The following CNTN1 variants were observed in gnomAD, a reference collection of about 807,000 sequenced individuals.
The protein encoded by CNTN1 is contactin 1, also known as contactin-1.
A neutral mutation model predicts 126.4 loss-of-function variants in CNTN1; 38 were observed. That is an observed-to-expected ratio of 0.30 (90% confidence interval 0.23 to 0.39). CNTN1 has a LOEUF of 0.39. Ranked by LOEUF, CNTN1 falls within the 10% of genes least tolerant of loss-of-function variation. The pLI, the probability that CNTN1 is intolerant of heterozygous loss-of-function variation, is 1.00. For missense variants in CNTN1, 1,009 were observed against 1,248.4 expected (o/e 0.81, Z 2.89); for synonymous variants, 413 against 422.6 (o/e 0.98, Z 0.28).
chr12:40,809,719 G>A (rs1940979822), intron 1 of CNTN1, among the ~76,000 whole-genome samples: 1 of 151,908 alleles, frequency 6.6e-6, no homozygotes, highest in African/African-American at 2.4e-5. Context: ...AGGAGGCTGA[G>A]GCAGGAGAAT....
chr12:40,907,529 C>T (rs1399957501), intron 1 of CNTN1, among the ~76,000 whole-genome samples: 1 of 152,156 alleles, frequency 6.6e-6, no homozygotes, highest in Non-Finnish European at 1.5e-5. Flanking sequence ...CTGGGTGAAA[C>T]TTTAGCAGTG....
chr12:40,804,848 T>C (rs1940785081), intron 1 of CNTN1, among the ~76,000 whole-genome samples: 1 of 151,606 alleles, frequency 6.6e-6, no homozygotes, highest in Admixed American at 6.6e-5. Context: ...ATTATCTCAG[T>C]CTTTTTTTTC....
intron 1 of CNTN1, among the ~76,000 whole-genome samples, chr12:40,769,289 A>G (rs1340992964): frequency 1.3e-5 from 2 of 152,312 alleles, no homozygotes; most frequent in Non-Finnish European, 2.9e-5. Context: ...CACATGAGCA[A>G]TTGATTTTTA....
At chr12:41,053,469 T>TATA (rs1949734831) in intron 23 of CNTN1, among the ~76,000 whole-genome samples, 1 of 48,850 alleles carries the variant, frequency 2.0e-5, no homozygotes, top group Non-Finnish European at 3.7e-5. Context: ...ATATATATAT[T>TATA]TGCCAATAAT....
Position 40,982,298 on chromosome 12 carries a change from C to G in CNTN1, c.1963+1231C>G, listed in dbSNP as rs138926990. Among the ~76,000 whole-genome samples the G allele has an allele frequency of 2.9e-3, 441 of 152,130 alleles. 2 individuals carry two copies. Among genetic ancestry groups the G allele is most frequent in the African/African-American group, 9.9e-3 (411 of 41,518 alleles). ...ATCATCTGAAAAATAATTTTAAAAA[C>G]CTTTTAGATACTTTATAAACCTAAA... On this transcript the variant is annotated intron_variant, in intron 16 of 23. Transcript: ENST00000551295.
chr12:40,744,143 G>A (rs1428770757), intron 1 of CNTN1, among the ~76,000 whole-genome samples: 2 of 152,006 alleles, frequency 1.3e-5, no homozygotes, highest in Non-Finnish European at 1.5e-5. Flanking sequence ...AGTAGCAGGG[G>A]TAGAGGGAGG....
chr12:40,855,864 A>G (rs1177785751), intron 1 of CNTN1, among the ~76,000 whole-genome samples: 2 of 152,182 alleles, frequency 1.3e-5, no homozygotes, highest in African/African-American at 4.8e-5. Context: ...TATCTTTAAT[A>G]AACTTAATTT....
chr12:40,944,236 T>G (rs1592295610), intron 14 of CNTN1, 66 bp downstream of exon 14: 1 of 1,406,070 alleles, frequency 7.1e-7, no homozygotes, highest in East Asian at 2.3e-5. Flanking sequence ...TTGAAAGTTC[T>G]ATTACTATAA....
intron 1 of CNTN1, among the ~76,000 whole-genome samples, chr12:40,710,676 A>G (rs1000111414): frequency 4.6e-5 from 7 of 152,216 alleles, no homozygotes; most frequent in Non-Finnish European, 1.0e-4. Context: ...GGTGGTAGAT[A>G]TGAATATAGT....
At chr12:40,836,767 T>C (rs1048801120) in intron 1 of CNTN1, among the ~76,000 whole-genome samples, 1 of 152,180 alleles carries the variant, frequency 6.6e-6, no homozygotes, top group African/African-American at 2.4e-5. Context: ...CTAAAAAAGA[T>C]ACATGTATTT....
chr12:40,772,716 T>C (rs911169298), intron 1 of CNTN1, among the ~76,000 whole-genome samples: 8 of 151,922 alleles, frequency 5.3e-5, no homozygotes, highest in Non-Finnish European at 1.0e-4. Context: ...CAGATTATTA[T>C]GGCTGTGACA....
chr12:40,866,199 A>G (rs896846090), intron 1 of CNTN1, among the ~76,000 whole-genome samples: 6 of 152,116 alleles, frequency 3.9e-5, no homozygotes, highest in African/African-American at 1.4e-4. Flanking sequence ...TTTATTAGCC[A>G]TAATTTTTTT....
At chr12:40,714,690 G>A (rs1406844120) in intron 1 of CNTN1, among the ~76,000 whole-genome samples, 1 of 152,048 alleles carries the variant, frequency 6.6e-6, no homozygotes, top group Non-Finnish European at 1.5e-5. Context: ...CAACTAAAAT[G>A]CAAGATTATA....
chr12:40,916,029 G>A (rs1055172334), intron 3 of CNTN1, among the ~76,000 whole-genome samples: 6 of 151,928 alleles, frequency 3.9e-5, no homozygotes, highest in Admixed American at 1.3e-4. Flanking sequence ...ATCATCACTA[G>A]GCTTGTCGCA....
At chr12:40,869,443 A>AT (rs1943413365) in intron 1 of CNTN1, among the ~76,000 whole-genome samples, 1 of 151,734 alleles carries the variant, frequency 6.6e-6, no homozygotes, top group South Asian at 2.1e-4. Context: ...TAACTTTTGT[A>AT]TTTTTTGTAG....
chr12:40,810,188 T>G (rs1207900730), intron 1 of CNTN1, among the ~76,000 whole-genome samples: 1 of 152,190 alleles, frequency 6.6e-6, no homozygotes, highest in African/African-American at 2.4e-5. Flanking sequence ...TATTCATTCA[T>G]GCATTCCTAT....
At chr12:40,784,152 A>G (rs936585991) in intron 1 of CNTN1, among the ~76,000 whole-genome samples, 4 of 152,122 alleles carry the variant, frequency 2.6e-5, no homozygotes, top group Non-Finnish European at 4.4e-5. Flanking sequence ...ATCTTTATCA[A>G]ACTTCTAAAA....
In CNTN1 at chr12:40,900,665, C is replaced by A. The variant is rs932266396; in HGVS notation, c.-76-7692C>A. Among the ~76,000 whole-genome samples, 5 of 152,150 alleles carry A rather than the reference C, an allele frequency of 3.3e-5. No homozygotes were observed. In the East Asian group the frequency reaches 9.6e-4, roughly 29 times the overall value. The stretch of plus-strand genomic sequence containing the variant: ...TCAGCAATGCTGAGAATTACTGATT[C>A]AATCAATGAACAAAAGAGGCACTGT... On this transcript the variant is annotated intron_variant, in intron 1 of 23. Coordinates refer to ENST00000551295, the MANE Select transcript of CNTN1 (RefSeq NM_001843.4).
intron 16 of CNTN1, among the ~76,000 whole-genome samples, chr12:40,990,145 C>A (rs1003667098): frequency 5.3e-5 from 8 of 152,052 alleles, no homozygotes; most frequent in Non-Finnish European, 1.0e-4. Flanking sequence ...AACTATCTAC[C>A]AAAACATGTT....
Sources: gnomAD v4.1 joint callset for allele counts (sites outside exome capture counted in the v4.1 genomes callset) on GRCh38, gnomAD v4.1.1 for gene constraint, MANE v1.5 for transcripts, NCBI Gene and HGNC (gene_info 2026-07-23, HGNC 2026-07-21) for gene names.